SFMBT2: variants seen among roughly 807,000 people sequenced by gnomAD.
SFMBT2 encodes Scm like with four mbt domains 2, also known as scm-like with four MBT domains protein 2.
A neutral mutation model predicts 110.1 loss-of-function variants in SFMBT2; 38 were observed. The ratio of observed to expected loss-of-function variants is 0.35; its 90% CI spans 0.27 to 0.45. SFMBT2 has a LOEUF of 0.45. Among genes scored for constraint, SFMBT2 ranks in the 20% least tolerant of loss-of-function variants. The pLI, the probability that SFMBT2 is intolerant of heterozygous loss-of-function variation, is 1.00. For missense variants in SFMBT2, 1,011 were observed against 1,094.9 expected (o/e 0.92, Z 1.08); for synonymous variants, 425 against 425.4 (o/e 1.00, Z 0.01).
At chr10:7,202,648 C>T (rs996609043) in intron 12 of SFMBT2, 126 bp from the exon 13 acceptor site, 12 of 1,546,034 alleles carry the variant, frequency 7.8e-6, no homozygotes, top group East Asian at 7.3e-5. Flanking sequence ...TGAAAAGTTA[C>T]GTCATTCATG....
chr10:7,386,092 A>G (rs534445858), intron 1 of SFMBT2, among the ~76,000 whole-genome samples: 14 of 152,232 alleles, frequency 9.2e-5, no homozygotes, highest in Non-Finnish European at 1.9e-4. Flanking sequence ...AAAAAATAAT[A>G]AAAAGCGAGC....
At chr10:7,386,634 G>T (rs1392315684) in intron 1 of SFMBT2, among the ~76,000 whole-genome samples, 1 of 152,144 alleles carries the variant, frequency 6.6e-6, no homozygotes, top group African/African-American at 2.4e-5. Context: ...ACTGGTCATT[G>T]GTTAGGTGAT....
intron 17 of SFMBT2, among the ~76,000 whole-genome samples, chr10:7,173,946 A>C (rs1340420454): frequency 6.6e-6 from 1 of 152,086 alleles, no homozygotes; most frequent in East Asian, 1.9e-4. Context: ...CAATTTCCTT[A>C]CTTACAAAAT....
At chr10:7,164,779 ACACACACACAC>A (rs1837651731) in intron 20 of SFMBT2, among the ~76,000 whole-genome samples, 1 of 151,200 alleles carries the variant, frequency 6.6e-6, no homozygotes, top group Non-Finnish European at 1.5e-5. Context: ...ACACACACAC[ACACACACACAC>A]ACCATTTACA....
chr10:7,226,520 C>G (rs1839900002), intron 10 of SFMBT2, among the ~76,000 whole-genome samples: 1 of 152,174 alleles, frequency 6.6e-6, no homozygotes, highest in African/African-American at 2.4e-5. Flanking sequence ...AAGTCTCTGA[C>G]CAGCGAGTGC....
chr10:7,217,951 T>C (rs1839596472), intron 11 of SFMBT2, among the ~76,000 whole-genome samples: 2 of 152,350 alleles, frequency 1.3e-5, no homozygotes, highest in African/African-American at 4.8e-5. Context: ...ATTAATCTCA[T>C]GTAGTTTATT....
At chr10:7,182,981 C>A (rs543541634) in intron 16 of SFMBT2, among the ~76,000 whole-genome samples, 1 of 152,052 alleles carries the variant, frequency 6.6e-6, no homozygotes, top group African/African-American at 2.4e-5. Context: ...ATACACGGCC[C>A]GGCAAGGCTC....
intron 16 of SFMBT2, 161 bp from the exon 17 acceptor site, chr10:7,176,326 A>T: frequency 1.9e-6 from 1 of 539,080 alleles, no homozygotes; most frequent in African/African-American, 2.1e-5. Flanking sequence ...AGAGATATTT[A>T]TAAGAAGTGC....
chr10:7,253,919 A>T (rs1840905066), intron 7 of SFMBT2, among the ~76,000 whole-genome samples: 1 of 152,198 alleles, frequency 6.6e-6, no homozygotes, highest in Non-Finnish European at 1.5e-5. Flanking sequence ...AGACTCAAGA[A>T]TAAAGACAAA....
intron 11 of SFMBT2, chr10:7,206,253 T>G (rs1329030106): frequency 1.0e-6 from 1 of 985,292 alleles, no homozygotes; most frequent in Admixed American, 6.1e-5. Context: ...GGAGCAGGAT[T>G]GGCTGAAAGA....
At chr10:7,285,321 A>G (rs1212661356) in intron 5 of SFMBT2, 2 of 152,334 alleles carry the variant, frequency 1.3e-5, no homozygotes, top group African/African-American at 4.8e-5. Context: ...TCTTCAATAC[A>G]TTAAAATTTC....
chr10:7,336,152 T>C (rs1843712833), intron 4 of SFMBT2, among the ~76,000 whole-genome samples: 1 of 152,242 alleles, frequency 6.6e-6, no homozygotes, highest in Admixed American at 6.5e-5. Flanking sequence ...TAAAACGCTG[T>C]AAAATATGTT....
At chr10:7,253,362 T>A (rs1052001310) in intron 7 of SFMBT2, among the ~76,000 whole-genome samples, 5 of 152,262 alleles carry the variant, frequency 3.3e-5, no homozygotes, top group Middle Eastern at 3.4e-3. Flanking sequence ...AGTGGAGGCA[T>A]CTTATGGTAC....
At chr10:7,329,467 T>C in intron 4 of SFMBT2, 2 of 985,396 alleles carry the variant, frequency 2.0e-6, no homozygotes, top group Non-Finnish European at 2.4e-6. Context: ...TGAGGAAATG[T>C]GTGTGGTGAG....
At chr10:7,329,639 G>T in intron 4 of SFMBT2, 2 of 341,280 alleles carry the variant, frequency 5.9e-6, no homozygotes, top group Non-Finnish European at 8.3e-6. Context: ...AGCAAGGCAG[G>T]CTCGTCTCTG....
At chr10:7,296,131 A>T (rs1842401885) in intron 4 of SFMBT2, among the ~76,000 whole-genome samples, 1 of 152,210 alleles carries the variant, frequency 6.6e-6, no homozygotes, top group South Asian at 2.1e-4. Context: ...TCACTGGCTA[A>T]AGAATTTTAC....
intron 1 of SFMBT2, among the ~76,000 whole-genome samples, chr10:7,399,442 G>A (rs541665853): frequency 2.1e-4 from 32 of 152,060 alleles, no homozygotes; most frequent in Non-Finnish European, 4.0e-4. Context: ...ATGTTGGCCA[G>A]GCTAGTCTTG....
At position 7,301,183 on chromosome 10, in the gene SFMBT2, C is replaced by G. The variant is rs1039623035; in HGVS notation, c.437-15229G>C. The stretch of plus-strand genomic sequence containing the variant: ...ACAGAAGTTCCTTCACTGAAAGTCT[C>G]GGGGAAGGGAATAGTCAGCATAAAG... On this transcript the variant is annotated intron_variant, in intron 4 of 20. Coordinates refer to ENST00000397167, the MANE Select transcript of SFMBT2 (RefSeq NM_001387889.1). This position sits in a 1 kb window ranked among gnomAD's most constrained non-coding sequence, Gnocchi z 4.2. 2.0e-5 allele frequency among the ~76,000 whole-genome samples: 3 copies of G among 152,094 alleles called. No individual in the cohort carries two copies. The highest frequency in any genetic ancestry group is 2.9e-5 in the Non-Finnish European group (2 of 68,026).
chr10:7,259,689 G>A (rs533720639), intron 7 of SFMBT2, among the ~76,000 whole-genome samples: 1 of 152,264 alleles, frequency 6.6e-6, no homozygotes, highest in Admixed American at 6.5e-5. Context: ...TGACCTTGTG[G>A]TCTCCTCCCC....
Sources: allele counts gnomAD v4.1 joint callset (sites outside exome capture counted in the v4.1 genomes callset), GRCh38; gene constraint gnomAD v4.1.1; non-coding constraint Gnocchi (gnomAD v3.1); transcripts MANE v1.5; gene names NCBI Gene and HGNC (gene_info 2026-07-23, HGNC 2026-07-21).